Variants in PPFIA2 observed in about 807,000 individuals in gnomAD.
The protein encoded by PPFIA2 is PPFI scaffold protein A2, also known as liprin-alpha-2.
PPFIA2 carries 46 observed loss-of-function variants against 175.5 expected under a neutral mutation model. That is an observed-to-expected ratio of 0.26 (90% confidence interval 0.21 to 0.34). The LOEUF (loss-of-function observed/expected upper bound fraction) is 0.34, where lower values mean the gene tolerates loss of function less well. Ranked by LOEUF, PPFIA2 falls within the 10% of genes least tolerant of loss-of-function variation. PPFIA2 has a pLI of 1.00. For missense variants in PPFIA2, 1,179 were observed against 1,506.1 expected, an observed-to-expected ratio of 0.78 and a Z score of 3.60; for synonymous variants, 568 against 511.4, an observed-to-expected ratio of 1.11 and a Z score of -1.49.
At position 81,299,349 on chromosome 12, in the gene PPFIA2, T is replaced by A. The variant is rs2047259803; in HGVS notation, c.2676A>T (p.Gly892=). Residue 892 remains glycine (G), a synonymous_variant, in exon 23 of 33, where the codon GGA becomes GGT. Transcript: ENST00000549396. ...HELLEEARRK[G]LPFAQWDGPT... is the part of the protein sequence containing the mutation. ...GCCCATCCCACTGGGCAAAAGGTAA[T>A]CCCTTTCTCCGAGCTTCTTCAAGAA... The A allele has an allele frequency of 6.3e-7, 1 of 1,594,856 alleles. No individual in the cohort carries two copies. The highest frequency in any genetic ancestry group is 8.5e-7 in the Non-Finnish European group (1 of 1,169,878).
At position 81,713,536 on chromosome 12, in the gene PPFIA2, G is replaced by A. The variant is rs1224439032; in HGVS notation, c.250-36692C>T. 2.6e-5 allele frequency among the ~76,000 whole-genome samples: 4 copies of A among 151,130 alleles called. 1 individual carries two copies. Among genetic ancestry groups the A allele is most frequent in the Non-Finnish European group, 5.9e-5 (4 of 67,856 alleles). ...TACTCTTCTACAGCTTCCATAGTCTGCAATTATGGCAGGGTCATAATGAAA... is the reference window on the plus strand; with the variant it reads ...TACTCTTCTACAGCTTCCATAGTCTACAATTATGGCAGGGTCATAATGAAA... On this transcript the variant is annotated intron_variant, in intron 3 of 32. Coordinates refer to ENST00000549396, the MANE Select transcript of PPFIA2 (RefSeq NM_003625.5).
chr12:81,352,927 G>A (rs192009280), intron 17 of PPFIA2, among the ~76,000 whole-genome samples, 192 bp downstream of exon 17: 355 of 152,244 alleles, frequency 2.3e-3, no homozygotes, highest in Non-Finnish European at 3.7e-3. Flanking sequence ...ATATTATAAA[G>A]GAGATATACA....
intron 4 of PPFIA2, among the ~76,000 whole-genome samples, chr12:81,562,997 CAATAGACAACGAACATTGTCTA>C (rs1321142386): frequency 1.3e-5 from 2 of 151,866 alleles, no homozygotes; most frequent in East Asian, 3.9e-4. Flanking sequence ...TTGCCAATGT[CAATAGACAACGAACATTGTCTA>C]AACAGAGATG....
chr12:81,514,079 G>C (rs1486539180), intron 4 of PPFIA2, among the ~76,000 whole-genome samples: 1 of 151,838 alleles, frequency 6.6e-6, no homozygotes, highest in Non-Finnish European at 1.5e-5. Flanking sequence ...TGTTACAACA[G>C]ACAAAAAATC....
intron 28 of PPFIA2, among the ~76,000 whole-genome samples, chr12:81,269,569 GA>G (rs1216221962): frequency 6.6e-6 from 1 of 152,036 alleles, no homozygotes; most frequent in African/African-American, 2.4e-5. Flanking sequence ...GTATAACTTT[GA>G]AGCAATACAG....
At chr12:81,275,986 A>T (rs932050207) in intron 28 of PPFIA2, among the ~76,000 whole-genome samples, 4 of 151,988 alleles carry the variant, frequency 2.6e-5, no homozygotes, top group Admixed American at 2.0e-4. Flanking sequence ...GGGTTTCACC[A>T]TGTTAGCCAG....
chr12:81,259,502 C>G lies in PPFIA2; in HGVS notation c.*192G>C. ...TTATTACAATTTGTAGTAAACTAAT[C>G]AAATGTAATATCTGACTCCCCCCAA... is the stretch of plus-strand genomic sequence containing the variant. On this transcript the variant is annotated 3_prime_UTR_variant, in exon 33 of 33. Transcript: ENST00000549396. 1.3e-6 allele frequency: 1 copy of G among 791,014 alleles called. No individual in the cohort carries two copies. The highest frequency in any genetic ancestry group is 2.1e-6 in the Non-Finnish European group (1 of 485,144). The allele number at this position is 791,014 out of a possible 1,614,324, so 49.0% of individuals were successfully genotyped here.
intron 4 of PPFIA2, among the ~76,000 whole-genome samples, chr12:81,485,615 C>A (rs1459782893): frequency 6.6e-6 from 1 of 151,766 alleles, no homozygotes; most frequent in Non-Finnish European, 1.5e-5. Context: ...TGCTAGAACA[C>A]AAATGAATCA....
chr12:81,374,863 G>A, intron 10 of PPFIA2, 95 bp from the exon 11 acceptor site: 1 of 1,215,108 alleles, frequency 8.2e-7, no homozygotes, highest in Non-Finnish European at 1.1e-6. Flanking sequence ...CATGATTCTA[G>A]ATTTAAATCA....
In PPFIA2 at chr12:81,517,011, T is replaced by A. The variant is rs1039529820; in HGVS notation, c.304-59145A>T. 4.6e-5 allele frequency among the ~76,000 whole-genome samples: 7 copies of A among 152,166 alleles called. No individual in the cohort carries two copies. The South Asian group carries it at 1.5e-3, about 32-fold the overall frequency. On this transcript the variant is annotated intron_variant, in intron 4 of 32. Transcript: ENST00000549396. The stretch of plus-strand genomic sequence containing the variant: ...CCAAGAGGAAAATATGTTTAATGAA[T>A]TGCTCTCGCATTCTGCAGAACCAAA...
chr12:81,560,450 CAG>C (rs1169543070), intron 4 of PPFIA2, among the ~76,000 whole-genome samples: 1 of 152,064 alleles, frequency 6.6e-6, no homozygotes, highest in Admixed American at 6.6e-5. Flanking sequence ...GAAATACTAG[CAG>C]AGTCATATGT....
At chr12:81,432,499 T>C (rs2048269777) in intron 7 of PPFIA2, among the ~76,000 whole-genome samples, 1 of 148,560 alleles carries the variant, frequency 6.7e-6, no homozygotes, top group Non-Finnish European at 1.5e-5. Flanking sequence ...AGAGTCTTGC[T>C]CTGTCACCCA....
intron 4 of PPFIA2, among the ~76,000 whole-genome samples, chr12:81,537,361 T>C (rs1248770029): frequency 1.3e-5 from 2 of 151,534 alleles, no homozygotes; most frequent in African/African-American, 4.8e-5. Flanking sequence ...AAAAGAGACA[T>C]AAATAAAAGA....
chr12:81,596,137 G>T (rs1260868845), intron 4 of PPFIA2, among the ~76,000 whole-genome samples: 1 of 151,608 alleles, frequency 6.6e-6, no homozygotes, highest in African/African-American at 2.4e-5. Flanking sequence ...ATATAGGTAA[G>T]AAAATCATTT....
intron 17 of PPFIA2, among the ~76,000 whole-genome samples, 189 bp downstream of exon 17, chr12:81,352,930 G>A (rs2060270783): frequency 6.6e-6 from 1 of 152,160 alleles, no homozygotes; most frequent in African/African-American, 2.4e-5. Flanking sequence ...TTATAAAGGA[G>A]ATATACAATA....
At chr12:81,633,275 C>T (rs1304181866) in intron 4 of PPFIA2, among the ~76,000 whole-genome samples, 2 of 152,000 alleles carry the variant, frequency 1.3e-5, no homozygotes, top group Non-Finnish European at 2.9e-5. Flanking sequence ...CCAAAAGATA[C>T]AAGAGTAGCC....
intron 3 of PPFIA2, among the ~76,000 whole-genome samples, chr12:81,707,525 G>GGTGCTGGA (rs2077337768): frequency 6.6e-6 from 1 of 151,348 alleles, no homozygotes; most frequent in African/African-American, 2.4e-5. Flanking sequence ...GGAAACAACA[G>GGTGCTGGA]GTGCTGGAGA....
intron 23 of PPFIA2, among the ~76,000 whole-genome samples, chr12:81,297,178 T>A (rs996673177): frequency 2.0e-5 from 3 of 152,134 alleles, no homozygotes; most frequent in African/African-American, 7.2e-5. Context: ...TCTCCCCAAG[T>A]CTAGCCTTGA....
chr12:81,584,335 T>C lies in PPFIA2; in HGVS notation c.303+92456A>G, dbSNP rs979920104. On this transcript the variant is annotated intron_variant, in intron 4 of 32. Coordinates refer to ENST00000549396, the MANE Select transcript of PPFIA2 (RefSeq NM_003625.5). ...GTATAATATTTTATTTATGATGCCA[T>C]ATATCATTTAGGATTTCAAAGATGG... Among the ~76,000 whole-genome samples, 21 of 151,906 alleles carry C rather than the reference T, an allele frequency of 1.4e-4. No individual in the cohort carries two copies. In the Admixed American group the frequency reaches 1.4e-3, roughly 10 times the overall value.
Sources: allele counts gnomAD v4.1 joint callset (sites outside exome capture counted in the v4.1 genomes callset), GRCh38; gene constraint gnomAD v4.1.1; transcripts MANE v1.5; gene names NCBI Gene and HGNC (gene_info 2026-07-23, HGNC 2026-07-21).